Variants in BDP1 observed in about 807,000 individuals in gnomAD.
The protein encoded by BDP1 is transcription factor TFIIIB component B'' homolog.
BDP1 carries 169 observed loss-of-function variants against 266.6 expected under a neutral mutation model. The ratio of observed to expected loss-of-function variants is 0.63; its 90% CI spans 0.56 to 0.72. The LOEUF (loss-of-function observed/expected upper bound fraction) is 0.72, where lower values mean the gene tolerates loss of function less well. Ranked by LOEUF, BDP1 falls within the 30% of genes least tolerant of loss-of-function variation. The pLI is 0.00. For missense variants in BDP1, 3,015 were observed against 3,053.8 expected (o/e 0.99, Z 0.30); for synonymous variants, 1,090 against 1,022.4 (o/e 1.07, Z -1.26).
chr5:71,552,408 C>A (rs571440200), intron 34 of BDP1, among the ~76,000 whole-genome samples: 1 of 152,092 alleles, frequency 6.6e-6, no homozygotes, highest in African/African-American at 2.4e-5. Flanking sequence ...TCCTCACATC[C>A]CAGACGATGG....
intron 15 of BDP1, among the ~76,000 whole-genome samples, chr5:71,503,659 A>G (rs1764397351): frequency 6.6e-6 from 1 of 152,088 alleles, no homozygotes; most frequent in South Asian, 2.1e-4. Context: ...TGAGATTTCA[A>G]TTTCTTATAA....
chr5:71,471,313 T>G (rs1762235036), intron 7 of BDP1, among the ~76,000 whole-genome samples: 1 of 152,038 alleles, frequency 6.6e-6, no homozygotes, highest in African/African-American at 2.4e-5. Context: ...CAGCTAATTT[T>G]TTATTTTTCG....
intron 36 of BDP1, among the ~76,000 whole-genome samples, chr5:71,559,027 G>T (rs2112074137): frequency 6.7e-6 from 1 of 149,710 alleles, no homozygotes; most frequent in Admixed American, 6.7e-5. Flanking sequence ...GGTGGTGCAT[G>T]CCTGTAATCC....
chr5:71,510,359 A>G lies in BDP1; in HGVS notation c.3267A>G (p.Ile1089Met), dbSNP rs1224866011. The G allele has an allele frequency of 2.5e-6, 4 of 1,613,954 alleles. No individual in the cohort carries two copies. The African/African-American group carries it at 5.3e-5, about 22-fold the overall frequency. ...TTGATGCCATTGAGGAAATAGAGAT[A>G]GATTTGGAAGAAACTGAAAGAGAAA... ...EVIDAIEEIE[I>M]DLEETEREIS... is the part of the protein sequence containing the mutation. The change falls in exon 17 of 39, where the codon ATA (isoleucine) becomes ATG (methionine). Residue 1089 changes from isoleucine to methionine, a missense_variant. Coordinates refer to ENST00000358731, the MANE Select transcript of BDP1 (RefSeq NM_018429.3).
chr5:71,513,280 C>G lies in BDP1; in HGVS notation c.4343C>G (p.Ala1448Gly), dbSNP rs980806903. The change falls in exon 19 of 39, where the codon GCA (alanine) becomes GGA (glycine). Residue 1448 changes from alanine to glycine, a missense_variant. Physicochemically the swap from Ala to Gly is moderately conservative, Grantham distance 60. Transcript: ENST00000358731. ...AGACCAAAACCAAACTTAGCAAGAG[C>G]AGCTTTGAAGAGAGAGACTACAGAA... is the stretch of plus-strand genomic sequence containing the variant. The part of the protein sequence containing the change: ...FKRPKPNLAR[A>G]ALKRETTESE... 7.4e-6 allele frequency: 12 copies of G among 1,613,076 alleles called. No homozygotes were observed. The highest frequency in any genetic ancestry group is 9.3e-6 in the Non-Finnish European group (11 of 1,179,670).
intron 2 of BDP1, among the ~76,000 whole-genome samples, chr5:71,460,948 T>A (rs1761519313): frequency 6.6e-6 from 1 of 152,276 alleles, no homozygotes; most frequent in Admixed American, 6.5e-5. Context: ...TCAGTAAGCA[T>A]TTTATACATT....
rs1403468302 is a variant in BDP1, at chr5:71,541,576, A to G, written c.6145A>G (p.Thr2049Ala). The part of the protein sequence containing the change: ...CQELSSPVIT[T>A]SPASFEENKI... ...GGAACTTTCTTCACCTGTCATTACT[A>G]CATCTCCTGCATCATTTGAAGAAAA... Residue 2049 changes from threonine (T) to alanine (A), a missense_variant, in exon 29 of 39, where the codon ACA becomes GCA. Thr to Ala is a moderately conservative substitution (Grantham distance 58, BLOSUM62 0). Transcript: ENST00000358731. 1.9e-6 allele frequency: 3 copies of G among 1,612,234 alleles called. No individual in the cohort carries two copies. The highest frequency in any genetic ancestry group is 2.5e-6 in the Non-Finnish European group (3 of 1,178,856).
At chr5:71,515,222 C>G (rs1212983560) in intron 20 of BDP1, 100 bp downstream of exon 20, 2 of 924,924 alleles carry the variant, frequency 2.2e-6, no homozygotes, top group Non-Finnish European at 3.2e-6. Flanking sequence ...AAAAAGTGAA[C>G]ATAAAGAATA....
At position 71,482,777 on chromosome 5, in the gene BDP1, G is replaced by T. The variant is rs145496477; in HGVS notation, c.1015-1065G>T. 2.4e-3 allele frequency among the ~76,000 whole-genome samples: 367 copies of T among 152,264 alleles called. 2 individuals are homozygous for T. Among genetic ancestry groups the T allele is most frequent in the African/African-American group, 8.5e-3 (353 of 41,542 alleles). On this transcript the variant is annotated intron_variant, in intron 7 of 38. Coordinates refer to ENST00000358731, the MANE Select transcript of BDP1 (RefSeq NM_018429.3). ...GAGGTAACATTTGTTAACTTTTGAG[G>T]AAATGTTTAAATAACAGTATGATCT...
Position 71,539,026 on chromosome 5 carries a change from T to C in BDP1, c.5893-16T>C, listed in dbSNP as rs766470099. On this transcript the variant is annotated splice_polypyrimidine_tract_variant and intron_variant, in intron 26 of 38. Transcript: ENST00000358731. ...GGGAAGTATTTTAAGATGTTACTTA[T>C]TTTTTTCCTTTTTAGGAAATGACCA... 38 of 1,567,354 alleles carry C rather than the reference T, an allele frequency of 2.4e-5. 1 individual carries two copies. In the South Asian group the frequency reaches 3.2e-4, roughly 13 times the overall value.
chr5:71,526,509 G>A (rs1023552851), intron 25 of BDP1, among the ~76,000 whole-genome samples: 3 of 149,442 alleles, frequency 2.0e-5, no homozygotes, highest in African/African-American at 7.4e-5. Flanking sequence ...CCAGCTACTG[G>A]GGAAGCTGAG....
intron 6 of BDP1, among the ~76,000 whole-genome samples, chr5:71,469,842 CTTT>C (rs35377501): frequency 2.4e-5 from 3 of 123,782 alleles, no homozygotes; most frequent in Non-Finnish European, 3.3e-5. Context: ...GTCTCAAACT[CTTT>C]TTTTTTTTTT....
intron 13 of BDP1, 58 bp downstream of exon 13, chr5:71,497,484 G>A: frequency 1.5e-6 from 2 of 1,373,530 alleles, no homozygotes; most frequent in Non-Finnish European, 1.0e-6. Flanking sequence ...TTAGATAGTT[G>A]GGAATAAAAG....
chr5:71,475,281 A>C (rs1186556485), intron 7 of BDP1, among the ~76,000 whole-genome samples: 1 of 152,010 alleles, frequency 6.6e-6, no homozygotes, highest in Non-Finnish European at 1.5e-5. Flanking sequence ...CTAATTAAAA[A>C]AATTTTTTTG....
At chr5:71,482,255 G>C (rs1381227434) in intron 7 of BDP1, among the ~76,000 whole-genome samples, 2 of 152,122 alleles carry the variant, frequency 1.3e-5, no homozygotes, top group East Asian at 3.8e-4. Context: ...CCCTACCTCT[G>C]CAGCCTAGTT....
At chr5:71,534,629 A>G (rs1766475614) in intron 26 of BDP1, among the ~76,000 whole-genome samples, 1 of 151,932 alleles carries the variant, frequency 6.6e-6, no homozygotes, top group South Asian at 2.1e-4. Flanking sequence ...CTTCCCAAGT[A>G]GCTGGGACTA....
Position 71,537,415 on chromosome 5 carries a change from C to T in BDP1, c.5893-1627C>T, listed in dbSNP as rs149927404. ...TAAAAAATGGGATGAGGTGGGATTT[C>T]CTTCTTCTTAAAAATGTTTCTAGAG... On this transcript the variant is annotated intron_variant, in intron 26 of 38. Transcript: ENST00000358731. 3.3e-3 allele frequency among the ~76,000 whole-genome samples: 509 copies of T among 152,198 alleles called. 5 individuals carry two copies. Among genetic ancestry groups the T allele is most frequent in the African/African-American group, 0.012 (484 of 41,522 alleles).
intron 17 of BDP1, chr5:71,511,366 C>T (rs1764911239): frequency 1.9e-6 from 1 of 521,100 alleles, no homozygotes; most frequent in Non-Finnish European, 3.2e-6. Context: ...ACCTTTAAAC[C>T]CAACACTTTG....
At chr5:71,531,809 C>T (rs963515825) in intron 25 of BDP1, among the ~76,000 whole-genome samples, 4 of 151,990 alleles carry the variant, frequency 2.6e-5, no homozygotes, top group Admixed American at 6.6e-5. Flanking sequence ...GCGCCTGGCC[C>T]GATAAATACT....
Sources: gnomAD v4.1 joint callset for allele counts (sites outside exome capture counted in the v4.1 genomes callset) on GRCh38, gnomAD v4.1.1 for gene constraint, MANE v1.5 for transcripts, NCBI Gene and HGNC (gene_info 2026-07-23, HGNC 2026-07-21) for gene names.